The following RAD54B variants were observed in gnomAD, a reference collection of about 807,000 sequenced individuals.
The protein encoded by RAD54B is RAD54 homolog B, also known as DNA repair and recombination protein RAD54B.
RAD54B carries 78 observed loss-of-function variants against 95.8 expected under a neutral mutation model. That is an observed-to-expected ratio of 0.81 (90% CI 0.68 to 0.98). RAD54B has a LOEUF of 0.98. Among genes scored for constraint, RAD54B ranks in the 50% least tolerant of loss-of-function variants. The pLI is 0.00. For missense variants in RAD54B, 957 were observed against 1,056.6 expected (o/e 0.91, Z 1.31); for synonymous variants, 328 against 354.9 (o/e 0.92, Z 0.85).
intron 2 of RAD54B, 115 bp downstream of exon 2, chr8:94,467,290 C>A: frequency 1.1e-6 from 1 of 930,480 alleles, no homozygotes; most frequent in South Asian, 2.3e-5. Flanking sequence ...AAGATGTTTT[C>A]AGAGATACTG....
At chr8:94,413,049 T>C (rs1291851539) in intron 3 of RAD54B, among the ~76,000 whole-genome samples, 1 of 152,194 alleles carries the variant, frequency 6.6e-6, no homozygotes, top group African/African-American at 2.4e-5. Context: ...AAAAGCTTTG[T>C]TGAAAAAAAA....
At chr8:94,444,410 T>TAAAA (rs61282884) in intron 3 of RAD54B, among the ~76,000 whole-genome samples, 5,156 of 137,824 alleles carry the variant, frequency 0.037, 116 homozygotes, top group Non-Finnish European at 0.05. Context: ...TTTTAATAGT[T>TAAAA]AAAAAAAAAA....
chr8:94,388,126 A>G (rs1433072354), intron 10 of RAD54B, among the ~76,000 whole-genome samples: 1 of 152,186 alleles, frequency 6.6e-6, no homozygotes, highest in Admixed American at 6.5e-5. Flanking sequence ...TGAGCAGTTA[A>G]TGATATGCAG....
intron 3 of RAD54B, among the ~76,000 whole-genome samples, chr8:94,441,115 G>A (rs1191317722): frequency 1.3e-5 from 2 of 152,118 alleles, no homozygotes; most frequent in Non-Finnish European, 2.9e-5. Context: ...CCCCTGTCAC[G>A]TACTCCCTGC....
At chr8:94,400,803 T>A (rs1022169895) in intron 6 of RAD54B, among the ~76,000 whole-genome samples, 8 of 152,020 alleles carry the variant, frequency 5.3e-5, no homozygotes, top group Non-Finnish European at 1.2e-4. Flanking sequence ...GTTGAGTGAT[T>A]TTTATTGGTT....
chr8:94,459,306 C>G (rs1331195333), intron 2 of RAD54B, among the ~76,000 whole-genome samples: 1 of 151,578 alleles, frequency 6.6e-6, no homozygotes, highest in African/African-American at 2.4e-5. Context: ...GCATGTGCCA[C>G]CATACCCAGC....
intron 3 of RAD54B, among the ~76,000 whole-genome samples, chr8:94,414,237 G>T (rs139499320): frequency 0.011 from 1,687 of 152,294 alleles, 32 homozygotes; most frequent in African/African-American, 0.038. Flanking sequence ...CTGAGACAGT[G>T]AGGTTTTCTA....
At chr8:94,387,370 C>T (rs912798549) in intron 10 of RAD54B, 9 of 403,464 alleles carry the variant, frequency 2.2e-5, no homozygotes, top group East Asian at 4.0e-5. Flanking sequence ...GCAGTTCTAA[C>T]GCAGTCTCAT....
intron 3 of RAD54B, chr8:94,431,383 G>A (rs1812089329): frequency 5.1e-6 from 5 of 984,490 alleles, no homozygotes; most frequent in Non-Finnish European, 6.0e-6. Flanking sequence ...GGTAATTGAT[G>A]TAATTATCCT....
chr8:94,385,929 G>C (rs2470742), intron 11 of RAD54B, among the ~76,000 whole-genome samples: 69,079 of 152,066 alleles, frequency 0.45, 17,394 homozygotes, highest in Non-Finnish European at 0.59. Context: ...GGCTGGAAAA[G>C]GAGGCATTAA....
chr8:94,439,482 A>G (rs917576812), intron 3 of RAD54B, among the ~76,000 whole-genome samples: 2 of 152,196 alleles, frequency 1.3e-5, no homozygotes, highest in Non-Finnish European at 2.9e-5. Context: ...CTCTGTATAA[A>G]ATATTTTTAG....
At chr8:94,427,769 A>G (rs1186354858) in intron 3 of RAD54B, 1 of 965,282 alleles carries the variant, frequency 1.0e-6, no homozygotes, top group African/African-American at 1.8e-5. Flanking sequence ...GCATTTAACC[A>G]TCATTATCTA....
Position 94,391,905 on chromosome 8 carries a change from G to C in RAD54B, c.1519-6C>G. 1 of 1,587,352 alleles carries C rather than the reference G, an allele frequency of 6.3e-7. No individual in the cohort carries two copies. Among genetic ancestry groups the C allele is most frequent in the Non-Finnish European group, 8.5e-7 (1 of 1,170,832 alleles). ...TCTCCTAACTCCTTTTCTTCCTATG[G>C]AAAAATAGCAGACTTAAATGAAAGT... is the stretch of plus-strand genomic sequence containing the variant. On this transcript the variant is annotated splice_polypyrimidine_tract_variant and splice_region_variant and intron_variant, in intron 9 of 14. Coordinates refer to ENST00000336148, the MANE Select transcript of RAD54B (RefSeq NM_012415.3).
chr8:94,372,381 G>A lies in RAD54B; in HGVS notation c.2522C>T (p.Ser841Leu), dbSNP rs199673928. ...TCTAGAGACAATGAATTTTTCCAAC[G>A]AATCACCTGTAATAAGTAAAACAAT... Reference protein sequence around the residue: ...CTGEEVHTGDSLEKFIVSRDC... With the variant: ...CTGEEVHTGDLLEKFIVSRDC... Residue 841 changes from serine to leucine, a missense_variant, in exon 15 of 15, where the codon TCG becomes TTG. Transcript: ENST00000336148. 1.2e-5 allele frequency: 20 copies of A among 1,612,310 alleles called. 1 individual carries two copies. The highest frequency in any genetic ancestry group is 9.9e-5 in the South Asian group (9 of 90,848).
chr8:94,432,426 C>A, intron 3 of RAD54B: 1 of 1,550,440 alleles, frequency 6.4e-7, no homozygotes, highest in Non-Finnish European at 8.7e-7. Context: ...CGATGTCATT[C>A]TCATATCAAC....
intron 3 of RAD54B, chr8:94,428,059 A>G (rs762217124): frequency 1.2e-4 from 116 of 948,352 alleles, no homozygotes; most frequent in Non-Finnish European, 1.4e-4. Context: ...ATGTCATTAT[A>G]AATCACAGCT....
chr8:94,423,432 T>C (rs1025725135), intron 3 of RAD54B, among the ~76,000 whole-genome samples: 7 of 152,204 alleles, frequency 4.6e-5, no homozygotes, highest in Non-Finnish European at 1.5e-5. Context: ...ATTTTCCAAG[T>C]AAATTTTGTA....
intron 6 of RAD54B, among the ~76,000 whole-genome samples, chr8:94,403,662 G>C (rs1243085235): frequency 6.7e-6 from 1 of 150,112 alleles, no homozygotes; most frequent in Non-Finnish European, 1.5e-5. Flanking sequence ...GGGCAACATA[G>C]TAAGACTCCG....
At chr8:94,389,754 C>G (rs1810971162) in intron 10 of RAD54B, among the ~76,000 whole-genome samples, 1 of 152,140 alleles carries the variant, frequency 6.6e-6, no homozygotes, top group South Asian at 2.1e-4. Flanking sequence ...TTATATCAAT[C>G]CTTATTTGCT....
Sources: gnomAD v4.1 joint callset for allele counts (sites outside exome capture counted in the v4.1 genomes callset) on GRCh38, gnomAD v4.1.1 for gene constraint, MANE v1.5 for transcripts, NCBI Gene and HGNC (gene_info 2026-07-23, HGNC 2026-07-21) for gene names.